The following TRIM27 variants were observed in gnomAD, a reference collection of about 807,000 sequenced individuals.
The protein encoded by TRIM27 is zinc finger protein RFP.
Under a neutral mutation model 57.6 loss-of-function variants are expected in TRIM27, and 12 were observed. The ratio of observed to expected loss-of-function variants is 0.21; its 90% CI spans 0.13 to 0.34. The LOEUF (loss-of-function observed/expected upper bound fraction) is 0.34, where lower values mean the gene tolerates loss of function less well. Among genes scored for constraint, TRIM27 ranks in the 10% least tolerant of loss-of-function variants. TRIM27 has a pLI of 1.00. For missense variants in TRIM27, 403 were observed against 656.8 expected (o/e 0.61, Z 4.22); for synonymous variants, 266 against 259.0 (o/e 1.03, Z -0.26).
chr6:28,912,480 G>A (rs1226199879), intron 3 of TRIM27, among the ~76,000 whole-genome samples: 3 of 150,006 alleles, frequency 2.0e-5, no homozygotes, highest in African/African-American at 7.4e-5. Flanking sequence ...CAACAAGAGT[G>A]AAACTCTGTC....
rs1442042901 is a variant in TRIM27 at position 28,908,817 on chromosome 6, T to C, written c.910A>G (p.Lys304Glu). 1 of 1,613,798 alleles carries C rather than the reference T, an allele frequency of 6.2e-7. No individual in the cohort carries two copies. Among genetic ancestry groups the C allele is most frequent in the African/African-American group, 1.3e-5 (1 of 74,914 alleles). ...FTEKMQSDMEKIQELREAQLY... is the reference protein window; with the variant it reads ...FTEKMQSDMEEIQELREAQLY... ...AGGTAGATAAATTTACCTTGGATTT[T>C]CTCCATATCTGACTGCATTTTTTCT... Residue 304 changes from lysine (K) to glutamate (E), a missense_variant, in exon 6 of 8, where the codon AAA becomes GAA. Physicochemically the swap from Lys to Glu is moderately conservative, Grantham distance 56. Coordinates refer to ENST00000377199, the MANE Select transcript of TRIM27 (RefSeq NM_006510.5).
At chr6:28,916,822 C>T (rs1392413529) in intron 3 of TRIM27, among the ~76,000 whole-genome samples, 3 of 151,894 alleles carry the variant, frequency 2.0e-5, no homozygotes, top group Non-Finnish European at 4.4e-5. Flanking sequence ...ATTTAGGTTA[C>T]GTATATTTTA....
chr6:28,909,324 C>A (rs1233427869), intron 4 of TRIM27, among the ~76,000 whole-genome samples: 1 of 152,166 alleles, frequency 6.6e-6, no homozygotes, highest in Non-Finnish European at 1.5e-5. Context: ...TCAGGCTGGT[C>A]TCGAACTCCT....
intron 1 of TRIM27, among the ~76,000 whole-genome samples, chr6:28,922,798 G>A (rs537788574): frequency 6.6e-6 from 1 of 152,308 alleles, no homozygotes; most frequent in South Asian, 2.1e-4. Context: ...GGAAAGTGCT[G>A]GGGAAATGCT....
At chr6:28,921,014 C>A (rs1215332988) in intron 2 of TRIM27, among the ~76,000 whole-genome samples, 1 of 152,152 alleles carries the variant, frequency 6.6e-6, no homozygotes, top group Non-Finnish European at 1.5e-5. Flanking sequence ...CATTTGTTTG[C>A]CATAATTTAC....
intron 7 of TRIM27, chr6:28,906,902 C>A (rs972215345): frequency 1.5e-5 from 4 of 259,064 alleles, no homozygotes; most frequent in African/African-American, 2.2e-5. Context: ...TGTCACAAAC[C>A]ATGGTTTGAC....
At chr6:28,911,081 T>C (rs1773169583) in intron 4 of TRIM27, among the ~76,000 whole-genome samples, 2 of 152,250 alleles carry the variant, frequency 1.3e-5, no homozygotes, top group Admixed American at 1.3e-4. Context: ...ACACCAAACA[T>C]GAGCTTCCCA....
Position 28,923,753 on chromosome 6 carries a change from G to C in TRIM27, c.-121C>G. The C allele has an allele frequency of 8.7e-7, 1 of 1,155,572 alleles. No individual in the cohort carries two copies. The highest frequency in any genetic ancestry group is 1.2e-6 in the Non-Finnish European group (1 of 848,372). The allele number at this position is 1,155,572 out of a possible 1,614,324, so 71.6% of individuals were successfully genotyped here. On this transcript the variant is annotated 5_prime_UTR_variant, in exon 1 of 8. Transcript: ENST00000377199. ...AGAGGCACCGGGCGGACGGAGGGCG[G>C]CGCCTCCCGGGCCCGTATCCCAGAC...
chr6:28,909,080 C>T lies in TRIM27; in HGVS notation c.779G>A (p.Arg260Lys), dbSNP rs1408698190. Residue 260 changes from arginine (R) to lysine (K), a missense_variant, in exon 5 of 8, where the codon AGA (arginine) becomes AAA (lysine). Arg to Lys is a conservative substitution (Grantham distance 26). Transcript: ENST00000377199. Reference protein sequence around the residue: ...DIGDTLSRAERIRIPEPWITP... With the variant: ...DIGDTLSRAEKIRIPEPWITP... ...GATCCAAGGTTCAGGAATCCTGATTCTTTCAGCCCTAAATTTAAAAAACAT... is the reference window on the plus strand; with the variant it reads ...GATCCAAGGTTCAGGAATCCTGATTTTTTCAGCCCTAAATTTAAAAAACAT... The T allele has an allele frequency of 6.3e-7, 1 of 1,597,290 alleles. No individual in the cohort carries two copies. Among genetic ancestry groups the T allele is most frequent in the East Asian group, 2.2e-5 (1 of 44,832 alleles).
Position 28,904,380 on chromosome 6 carries a change from A to C in TRIM27, c.1232T>G (p.Leu411Trp), listed in dbSNP as rs779619823. The C allele has an allele frequency of 6.2e-7, 1 of 1,613,072 alleles. No individual in the cohort carries two copies. Among genetic ancestry groups the C allele is most frequent in the East Asian group, 2.2e-5 (1 of 44,872 alleles). Residue 411 changes from leucine (L) to tryptophan (W), a missense_variant, in exon 8 of 8, where the codon TTG becomes TGG. Physicochemically the swap from Leu to Trp is moderately conservative, Grantham distance 61. Coordinates refer to ENST00000377199, the MANE Select transcript of TRIM27 (RefSeq NM_006510.5). The surrounding 1 kb of genome is among the most constrained non-coding windows in gnomAD (Gnocchi z 6.1). The part of the protein sequence containing the change: ...APQNGFWAVS[L>W]WYGKEYWALT... The stretch of plus-strand genomic sequence containing the variant: ...AGCCCAATATTCTTTCCCATACCAC[A>C]AAGACACTGCCCAGAATCCATTCTG...
chr6:28,919,927 C>A, intron 3 of TRIM27, 85 bp downstream of exon 3: 1 of 1,288,358 alleles, frequency 7.8e-7, no homozygotes, highest in Non-Finnish European at 1.1e-6. Flanking sequence ...AAAAAGAAGA[C>A]AGGGGGTCCT....
At chr6:28,911,378 G>A in intron 4 of TRIM27, 1 of 296,720 alleles carries the variant, frequency 3.4e-6, no homozygotes, top group Non-Finnish European at 6.1e-6. Context: ...AAAGGATTCT[G>A]AAATGTATAG....
chr6:28,920,848 G>A (rs1179432819), intron 2 of TRIM27, among the ~76,000 whole-genome samples: 1 of 152,120 alleles, frequency 6.6e-6, no homozygotes, highest in Non-Finnish European at 1.5e-5. Flanking sequence ...TATGGAGGAT[G>A]GAACAACCAA....
chr6:28,912,906 T>C (rs542185104), intron 3 of TRIM27, among the ~76,000 whole-genome samples: 1 of 152,338 alleles, frequency 6.6e-6, no homozygotes, highest in Non-Finnish European at 1.5e-5. Context: ...CATCGTTAAA[T>C]ATTTGCCTTT....
chr6:28,921,420 A>G (rs544009599), intron 2 of TRIM27, among the ~76,000 whole-genome samples: 1 of 152,132 alleles, frequency 6.6e-6, no homozygotes, highest in Non-Finnish European at 1.5e-5. Context: ...AATATAAATT[A>G]ACACATCAGC....
chr6:28,914,182 C>T (rs111539073), intron 3 of TRIM27, among the ~76,000 whole-genome samples: 3,512 of 147,778 alleles, frequency 0.024, 91 homozygotes, highest in African/African-American at 0.064. Flanking sequence ...GCCTCCCAGG[C>T]TGGAGTGAAA....
rs1446022629 is a variant in TRIM27 at position 28,923,291 on chromosome 6, G to C, written c.342C>G (p.Ile114Met). 6.2e-7 allele frequency: 1 copy of C among 1,611,908 alleles called. No homozygotes were observed. Among genetic ancestry groups the C allele is most frequent in the East Asian group, 2.2e-5 (1 of 44,872 alleles). ...KLYCEEDQMP[I>M]CVVCDRSREH... ...CGCGGGAGCGGTCGCACACCACGCA[G>C]ATGGGCATCTGGTCCTCCTCGCAGT... is the stretch of plus-strand genomic sequence containing the variant. Residue 114 changes from isoleucine to methionine, a missense_variant, in exon 1 of 8, where the codon ATC becomes ATG. Transcript: ENST00000377199.
At chr6:28,910,102 G>A (rs373391785) in intron 4 of TRIM27, among the ~76,000 whole-genome samples, 14 of 123,686 alleles carry the variant, frequency 1.1e-4, no homozygotes, top group South Asian at 5.3e-4. Context: ...GTAAGACCCT[G>A]CCTCTACAAA....
chr6:28,907,215 G>A, intron 7 of TRIM27, 21 bp downstream of exon 7: 4 of 1,605,654 alleles, frequency 2.5e-6, no homozygotes, highest in Non-Finnish European at 3.4e-6. Flanking sequence ...CCCTAATATG[G>A]TTTTGTCTCT....
Sources: gnomAD v4.1 joint callset for allele counts (sites outside exome capture counted in the v4.1 genomes callset) on GRCh38, gnomAD v4.1.1 for gene constraint, Gnocchi (gnomAD v3.1) non-coding constraint, MANE v1.5 for transcripts, NCBI Gene and HGNC (gene_info 2026-07-23, HGNC 2026-07-21) for gene names.